Variants in CFAP54 observed in about 807,000 individuals in gnomAD.
CFAP54 encodes cilia and flagella associated protein 54.
In CFAP54, 290 loss-of-function variants were observed where a neutral mutation model predicts 370.4. That is an observed-to-expected ratio of 0.78 (90% CI 0.71 to 0.86). The LOEUF is 0.86. Ranked by LOEUF, CFAP54 falls within the 40% of genes least tolerant of loss-of-function variation. The probability of loss-of-function intolerance (pLI) is 0.00; values close to 1 mark genes in which losing one functional copy is unlikely to be tolerated. For synonymous variants in CFAP54, 1,206 were observed against 1,236.5 expected, an observed-to-expected ratio of 0.98 and a Z score of 0.52; for missense variants, 3,399 against 3,528.7, an observed-to-expected ratio of 0.96 and a Z score of 0.93.
chr12:96,831,529 C>T (rs1482359275), intron 66 of CFAP54, among the ~76,000 whole-genome samples: 1 of 152,152 alleles, frequency 6.6e-6, no homozygotes, highest in Non-Finnish European at 1.5e-5. Flanking sequence ...TTATTTATTA[C>T]GTCACCCTTT....
chr12:96,739,167 C>G (rs1958020026), intron 50 of CFAP54, among the ~76,000 whole-genome samples: 1 of 151,898 alleles, frequency 6.6e-6, no homozygotes, highest in South Asian at 2.1e-4. Context: ...CGGCCTTCAT[C>G]CAGTTTTTTT....
At position 96,538,472 on chromosome 12, in the gene CFAP54, C is replaced by A. The variant is rs903207514; in HGVS notation, c.1880C>A (p.Ser627Tyr). 3 of 1,536,046 alleles carry A rather than the reference C, an allele frequency of 2.0e-6. No homozygotes were observed. The highest frequency in any genetic ancestry group is 1.7e-6 in the Non-Finnish European group (2 of 1,146,796). ...CKLGIQRLNI[S>Y]RNDYAKFTQK... is the part of the protein sequence containing the mutation. ...TTAGGAATTCAGCGGCTCAATATAT[C>A]CAGAAATGACTATGCAAAATTCACC... The change falls in exon 13 of 68, where the codon TCC (serine) becomes TAC (tyrosine). Residue 627 changes from serine to tyrosine, a missense_variant. Physicochemically the swap from Ser to Tyr is moderately radical, Grantham distance 144. Coordinates refer to ENST00000524981, the MANE Select transcript of CFAP54 (RefSeq NM_001306084.2).
intron 50 of CFAP54, among the ~76,000 whole-genome samples, chr12:96,723,210 A>C (rs1413841301): frequency 6.6e-6 from 1 of 152,208 alleles, no homozygotes; most frequent in Admixed American, 6.5e-5. Context: ...ATACAAATTT[A>C]AAAGTACAGT....
At chr12:96,836,977 G>A (rs1045334189) in intron 66 of CFAP54, among the ~76,000 whole-genome samples, 1 of 152,080 alleles carries the variant, frequency 6.6e-6, no homozygotes, top group Non-Finnish European at 1.5e-5. Context: ...ATAGGCACAT[G>A]CCACCATGCC....
chr12:96,710,566 A>C (rs145670442), intron 48 of CFAP54, among the ~76,000 whole-genome samples: 79 of 152,282 alleles, frequency 5.2e-4, no homozygotes, highest in African/African-American at 1.9e-3. Flanking sequence ...TAGTTTGCAC[A>C]TGAAAGGTGT....
rs1237068019 is a variant in CFAP54, at chr12:96,811,742, T to C, written c.8857T>C (p.Leu2953=). 6 of 1,469,662 alleles carry C rather than the reference T, an allele frequency of 4.1e-6. No individual in the cohort carries two copies. The highest frequency in any genetic ancestry group is 5.4e-6 in the Non-Finnish European group (6 of 1,108,478). 91.0% of individuals were successfully genotyped at this position (1,469,662 alleles called of 1,614,324 possible). The change falls in exon 64 of 68, where the codon TTG becomes CTG. Residue 2953 remains leucine, a synonymous_variant. Transcript: ENST00000524981. ...PPKETEPMVL[L]LYAYNLKPLK... is the part of the protein sequence containing the mutation. ...CCTTTTATTTTTCTTATAGGTTTTA[T>C]TGTTGTATGCATATAATTTGAAGCC... is the stretch of plus-strand genomic sequence containing the variant.
At chr12:96,802,588 G>T (rs1958831836) in intron 63 of CFAP54, among the ~76,000 whole-genome samples, 1 of 152,068 alleles carries the variant, frequency 6.6e-6, no homozygotes, top group Non-Finnish European at 1.5e-5. Flanking sequence ...CTGCCTAGGG[G>T]CTTGAGAACC....
At chr12:96,866,850 A>G (rs1046115355) in intron 67 of CFAP54, among the ~76,000 whole-genome samples, 1 of 152,238 alleles carries the variant, frequency 6.6e-6, no homozygotes, top group African/African-American at 2.4e-5. Flanking sequence ...ATTTTCCCTA[A>G]TAGCCAGAAA....
chr12:96,505,376 G>A (rs553209987), intron 3 of CFAP54, among the ~76,000 whole-genome samples: 21 of 152,034 alleles, frequency 1.4e-4, no homozygotes, highest in African/African-American at 4.8e-4. Context: ...AATTTCTAAA[G>A]TAGAAACCTG....
intron 65 of CFAP54, among the ~76,000 whole-genome samples, chr12:96,823,017 A>C (rs1340630377): frequency 3.3e-5 from 5 of 152,182 alleles, no homozygotes; most frequent in Non-Finnish European, 7.4e-5. Flanking sequence ...CTGTATAGAC[A>C]GGTAGAGTTG....
intron 65 of CFAP54, among the ~76,000 whole-genome samples, chr12:96,826,796 A>G (rs1324170406): frequency 1.8e-5 from 2 of 113,096 alleles, no homozygotes; most frequent in Admixed American, 2.3e-4. Context: ...TAAATAATAT[A>G]TAATTATATA....
chr12:96,598,111 C>T (rs1325753388), intron 25 of CFAP54, among the ~76,000 whole-genome samples: 4 of 151,946 alleles, frequency 2.6e-5, no homozygotes, highest in South Asian at 2.1e-4. Flanking sequence ...AAAAGCTATT[C>T]GTCTAGCTCT....
chr12:96,578,794 T>C (rs1956005080), intron 20 of CFAP54, among the ~76,000 whole-genome samples: 1 of 152,240 alleles, frequency 6.6e-6, no homozygotes, highest in South Asian at 2.1e-4. Flanking sequence ...TCAAAATCTC[T>C]TGTTGAGGCA....
chr12:96,667,341 T>A (rs2136529190), intron 39 of CFAP54, among the ~76,000 whole-genome samples: 1 of 152,334 alleles, frequency 6.6e-6, no homozygotes, highest in East Asian at 1.9e-4. Flanking sequence ...CCCTTCTGAC[T>A]ACCCTGACAG....
chr12:96,647,472 C>CAAAAAAAAAAAAAAAAAAAAAAAAAAA lies in CFAP54; in HGVS notation c.4548-379_4548-378insAAAAAAAAAAAAAAAAAAAAAAAAAAA, dbSNP rs57089692. ...TGGGCGACAGAGCGAGACTCTGTCC[C>CAAAAAAAAAAAAAAAAAAAAAAAAAAA]AAAAAAAAAAAAAAAAAAAAAAAAG... On this transcript the variant is annotated intron_variant, in intron 33 of 67. Coordinates refer to ENST00000524981, the MANE Select transcript of CFAP54 (RefSeq NM_001306084.2). Among the ~76,000 whole-genome samples the CAAAAAAAAAAAAAAAAAAAAAAAAAAA allele has an allele frequency of 9.8e-5, 4 of 40,772 alleles. 2 individuals carry two copies. Among genetic ancestry groups the CAAAAAAAAAAAAAAAAAAAAAAAAAAA allele is most frequent in the Non-Finnish European group, 1.7e-4 (4 of 24,000 alleles). 26.7% of individuals were successfully genotyped at this position (40,772 alleles called of 152,430 possible).
chr12:96,810,116 T>C (rs540253342), intron 63 of CFAP54, among the ~76,000 whole-genome samples: 5 of 151,662 alleles, frequency 3.3e-5, no homozygotes, highest in Admixed American at 6.6e-5. Context: ...TGTCTAATGT[T>C]ACTCCCTGTT....
intron 49 of CFAP54, 148 bp from the exon 50 acceptor site, chr12:96,720,257 T>C (rs1015986186): frequency 2.3e-4 from 150 of 650,814 alleles, no homozygotes; most frequent in Admixed American, 1.1e-3. Context: ...TTTGCTGAAC[T>C]CTCTTCTCTG....
At chr12:96,650,130 G>A in intron 35 of CFAP54, 58 bp downstream of exon 35, 2 of 1,396,014 alleles carry the variant, frequency 1.4e-6, no homozygotes, top group South Asian at 2.8e-5. Context: ...CCACCAACTT[G>A]GGCGTTTAAG....
chr12:96,569,483 C>T (rs1203144473), intron 19 of CFAP54, among the ~76,000 whole-genome samples: 2 of 152,188 alleles, frequency 1.3e-5, no homozygotes, highest in African/African-American at 4.8e-5. Flanking sequence ...TAACTGTATT[C>T]TGATTACACC....
Sources: gnomAD v4.1 joint callset for allele counts (sites outside exome capture counted in the v4.1 genomes callset) on GRCh38, gnomAD v4.1.1 for gene constraint, MANE v1.5 for transcripts, NCBI Gene and HGNC (gene_info 2026-07-23, HGNC 2026-07-21) for gene names.